LARGE1: variants seen among roughly 807,000 people sequenced by gnomAD.
The protein encoded by LARGE1 is xylosyl- and glucuronyltransferase LARGE1.
A neutral mutation model predicts 87.6 loss-of-function variants in LARGE1; 43 were observed. The observed-to-expected ratio is 0.49, with a 90% CI of 0.38 to 0.63. The LOEUF (loss-of-function observed/expected upper bound fraction) is 0.63, where lower values mean the gene tolerates loss of function less well. Ranked by LOEUF, LARGE1 falls within the 30% of genes least tolerant of loss-of-function variation. LARGE1 has a pLI of 0.00. For synonymous variants in LARGE1, 434 were observed against 394.6 expected (o/e 1.10, Z -1.18); for missense variants, 802 against 1,000.2 (o/e 0.80, Z 2.67).
At chr22:33,303,903 G>A (rs1489272888) in intron 12 of LARGE1, among the ~76,000 whole-genome samples, 1 of 152,132 alleles carries the variant, frequency 6.6e-6, no homozygotes, top group Admixed American at 6.5e-5. Context: ...GATTACAGGC[G>A]AGAGCCATCG....
intron 9 of LARGE1, 46 bp from the exon 10 acceptor site, chr22:33,337,847 G>A: frequency 6.2e-7 from 1 of 1,602,994 alleles, no homozygotes; most frequent in Non-Finnish European, 8.5e-7. Context: ...GGGGTGGGGT[G>A]GGGATCCCTC....
exon 12 of LARGE1, chr22:33,164,841 A>G (rs78091779): frequency 6.6e-6 from 1 of 152,036 alleles, no homozygotes; most frequent in African/African-American, 2.4e-5. Context: ...AAAAAAAAAA[A>G]TTACCACGAA....
intron 11 of LARGE1, among the ~76,000 whole-genome samples, chr22:33,249,672 G>A (rs981640365): frequency 1.6e-4 from 24 of 152,088 alleles, no homozygotes; most frequent in Admixed American, 1.4e-3. Context: ...CATAGTTCTG[G>A]GTTTTACATT....
intron 1 of LARGE1, among the ~76,000 whole-genome samples, chr22:33,820,900 C>A (rs1041516568): frequency 1.3e-5 from 2 of 152,142 alleles, no homozygotes; most frequent in Admixed American, 1.3e-4. Context: ...TGCACCACCC[C>A]CTCTTCTGCC....
chr22:33,437,285 T>C (rs1054867763), intron 6 of LARGE1, among the ~76,000 whole-genome samples: 5 of 152,122 alleles, frequency 3.3e-5, no homozygotes, highest in African/African-American at 1.2e-4. Flanking sequence ...ATTGGTAGTC[T>C]CCAATGCCAT....
chr22:33,310,699 T>C (rs1027450829), intron 11 of LARGE1, among the ~76,000 whole-genome samples: 2 of 152,126 alleles, frequency 1.3e-5, no homozygotes, highest in Non-Finnish European at 2.9e-5. Flanking sequence ...TAATCGGATG[T>C]GTTGACAGAG....
intron 11 of LARGE1, among the ~76,000 whole-genome samples, chr22:33,236,731 T>C (rs1926268823): frequency 6.6e-6 from 1 of 152,170 alleles, no homozygotes; most frequent in African/African-American, 2.4e-5. Flanking sequence ...CTCCTCTCCA[T>C]GCTCCTTCCC....
At chr22:33,150,532 A>ACGTATTCCC in the LARGE1 span, among the ~76,000 whole-genome samples, 2 of 152,154 alleles carry the variant, frequency 1.3e-5, no homozygotes, top group Non-Finnish European at 2.9e-5. Context: ...AGTTAAAATT[A>ACGTATTCCC]CGTATTCCCA....
chr22:33,646,583 C>G (rs2080621172), intron 3 of LARGE1, among the ~76,000 whole-genome samples: 1 of 135,342 alleles, frequency 7.4e-6, no homozygotes, highest in Non-Finnish European at 1.7e-5. Context: ...ACATGTACTC[C>G]AGAATTTAAA....
intron 6 of LARGE1, among the ~76,000 whole-genome samples, chr22:33,506,826 A>T (rs1241052106): frequency 1.3e-5 from 2 of 152,104 alleles, no homozygotes; most frequent in Non-Finnish European, 2.9e-5. Context: ...GCTTGAACCC[A>T]GGAGGCGGAG....
chr22:33,592,875 T>C (rs2148927015), intron 5 of LARGE1, among the ~76,000 whole-genome samples: 1 of 152,078 alleles, frequency 6.6e-6, no homozygotes, highest in Middle Eastern at 3.4e-3. Flanking sequence ...GAGCTTGCTC[T>C]GTCACCCAGG....
intron 6 of LARGE1, among the ~76,000 whole-genome samples, chr22:33,454,651 A>T (rs2068062254): frequency 6.7e-6 from 1 of 149,740 alleles, no homozygotes; most frequent in Non-Finnish European, 1.5e-5. Flanking sequence ...AGAAGAAAAG[A>T]GGTTTAATTG....
intron 6 of LARGE1, among the ~76,000 whole-genome samples, chr22:33,550,401 T>C (rs2077492150): frequency 1.3e-5 from 2 of 152,262 alleles, no homozygotes; most frequent in Non-Finnish European, 2.9e-5. Flanking sequence ...GAGATATTTT[T>C]GCGTGTCATA....
chr22:33,762,213 C>CAAAAAAAAAAAAAAAAAAAAAAAAAAA (rs56832457), intron 1 of LARGE1, among the ~76,000 whole-genome samples: 1 of 84,460 alleles, frequency 1.2e-5, no homozygotes, highest in African/African-American at 5.1e-5. Context: ...GATTCTATCT[C>CAAAAAAAAAAAAAAAAAAAAAAAAAAA]AAAAAAAAAA....
intron 11 of LARGE1, chr22:33,221,884 G>A (rs1314246716): frequency 6.6e-6 from 1 of 152,186 alleles, no homozygotes; most frequent in Non-Finnish European, 1.5e-5. Context: ...GGGAAAGGAG[G>A]TTTATATGAC....
At chr22:33,689,477 G>A (rs933075147) in intron 2 of LARGE1, among the ~76,000 whole-genome samples, 1 of 152,174 alleles carries the variant, frequency 6.6e-6, no homozygotes, top group Admixed American at 6.5e-5. Context: ...ACAGGGTTAG[G>A]GGAGAAGTGA....
chr22:33,351,386 T>C (rs932879990), intron 9 of LARGE1, among the ~76,000 whole-genome samples: 2 of 152,226 alleles, frequency 1.3e-5, no homozygotes, highest in African/African-American at 4.8e-5. Context: ...TTTAAATGAA[T>C]CTGGCAAAGT....
chr22:33,406,049 T>C (rs1259201624), intron 7 of LARGE1, among the ~76,000 whole-genome samples: 1 of 152,208 alleles, frequency 6.6e-6, no homozygotes, highest in Non-Finnish European at 1.5e-5. Context: ...TCCAAAGAAC[T>C]TGGAAACCAG....
chr22:33,600,030 G>C (rs1048770789), intron 5 of LARGE1, among the ~76,000 whole-genome samples: 3 of 152,170 alleles, frequency 2.0e-5, no homozygotes, highest in Admixed American at 2.0e-4. Flanking sequence ...AGGGTGGCTG[G>C]TGGGCAAACT....
Sources: gnomAD v4.1 joint callset for allele counts (sites outside exome capture counted in the v4.1 genomes callset) on GRCh38, gnomAD v4.1.1 for gene constraint, MANE v1.5 for transcripts, NCBI Gene and HGNC (gene_info 2026-07-23, HGNC 2026-07-21) for gene names.